SNX24: variants seen among roughly 807,000 people sequenced by gnomAD.
SNX24 encodes the protein sorting nexin 24.
In SNX24, 22 loss-of-function variants were observed where a neutral mutation model predicts 28.7. The ratio of observed to expected loss-of-function variants is 0.77; its 90% CI spans 0.55 to 1.10. The LOEUF (loss-of-function observed/expected upper bound fraction) is 1.10. SNX24 is among the 50% of genes least tolerant of loss of function. SNX24 has a pLI of 0.00. For missense variants in SNX24, 221 were observed against 201.1 expected (o/e 1.10, Z -0.60); for synonymous variants, 69 against 71.5 (o/e 0.96, Z 0.18).
At chr5:122,925,019 C>T (rs1758620275) in intron 1 of SNX24, among the ~76,000 whole-genome samples, 1 of 148,544 alleles carries the variant, frequency 6.7e-6, no homozygotes, top group African/African-American at 2.5e-5. Flanking sequence ...TTCCCCTCCC[C>T]TTCTCCTTCT....
chr5:123,007,729 C>A lies in SNX24; in HGVS notation c.490C>A (p.Pro164Thr), dbSNP rs757422248. Residue 164 changes from proline to threonine, a missense_variant, in exon 7 of 7, where the codon CCT becomes ACT. Pro to Thr is a conservative substitution (Grantham distance 38). Transcript: ENST00000261369. ...AGGAGTCCTCCATGGGATATTTTAC[C>A]CTCATCTACAGCCCAGGTAGAAATC... is the stretch of plus-strand genomic sequence containing the variant. ...IEGVLHGIFY[P>T]HLQPR The A allele has an allele frequency of 1.3e-6, 2 of 1,599,684 alleles. No individual in the cohort carries two copies. Among genetic ancestry groups the A allele is most frequent in the South Asian group, 1.2e-5 (1 of 86,550 alleles).
chr5:122,863,963 C>A (rs145955619), intron 1 of SNX24, among the ~76,000 whole-genome samples: 49 of 152,158 alleles, frequency 3.2e-4, no homozygotes, highest in Non-Finnish European at 5.9e-4. Context: ...GGCAGAGGAG[C>A]GACATGATTC....
chr5:122,934,622 T>C (rs1245155514), intron 1 of SNX24, among the ~76,000 whole-genome samples: 1 of 152,178 alleles, frequency 6.6e-6, no homozygotes, highest in African/African-American at 2.4e-5. Context: ...CCTCGCAAAG[T>C]GCTGGGATTA....
intron 3 of SNX24, among the ~76,000 whole-genome samples, chr5:122,956,624 G>A (rs1458449036): frequency 6.6e-6 from 1 of 152,122 alleles, no homozygotes; most frequent in Non-Finnish European, 1.5e-5. Context: ...GTTATCTACA[G>A]TGGCTGTACC....
intron 1 of SNX24, among the ~76,000 whole-genome samples, chr5:122,853,280 C>T (rs575179886): frequency 4.8e-4 from 73 of 152,062 alleles, no homozygotes; most frequent in African/African-American, 1.7e-3. Context: ...GCACCCGCCA[C>T]CAAGGCCTGC....
chr5:122,872,516 C>T lies in SNX24; in HGVS notation c.60+26823C>T, dbSNP rs1453988880. Among the ~76,000 whole-genome samples, 5 of 152,144 alleles carry T rather than the reference C, an allele frequency of 3.3e-5. 1 individual carries two copies. Among genetic ancestry groups the T allele is most frequent in the Middle Eastern group, 6.8e-3 (2 of 294 alleles). The stretch of plus-strand genomic sequence containing the variant: ...GTGGGGGATTGGTTCCAGGACTCCA[C>T]GATGATATGAAAATCTGTGAATGCT... On this transcript the variant is annotated intron_variant, in intron 1 of 6. Coordinates refer to ENST00000261369, the MANE Select transcript of SNX24 (RefSeq NM_014035.4).
chr5:122,938,359 C>A lies in SNX24; in HGVS notation c.144+1542C>A, dbSNP rs183902094. ...GGATTCTCTCTTCTCTCAGTTTCTG[C>A]AGCTCTATTAATAATTTTACCTATT... On this transcript the variant is annotated intron_variant, in intron 2 of 6. Coordinates refer to ENST00000261369, the MANE Select transcript of SNX24 (RefSeq NM_014035.4). 1.3e-3 allele frequency among the ~76,000 whole-genome samples: 199 copies of A among 152,324 alleles called. 1 individual carries two copies. Among genetic ancestry groups the A allele is most frequent in the African/African-American group, 3.5e-3 (147 of 41,586 alleles).
rs146325441 is a variant in SNX24 at position 122,986,374 on chromosome 5, G to T, written c.250-13538G>T. On this transcript the variant is annotated intron_variant, in intron 3 of 6. Transcript: ENST00000261369. ...TGGCAGTTAGTGGACTTAGGGAGAG[G>T]ATGCTGGCTAAGCCTTGAAAAGTCC... Among the ~76,000 whole-genome samples, 62 of 152,280 alleles carry T rather than the reference G, an allele frequency of 4.1e-4. No individual in the cohort carries two copies. The East Asian group carries it at 7.9e-3, about 19-fold the overall frequency.
intron 3 of SNX24, among the ~76,000 whole-genome samples, chr5:122,981,183 T>A (rs961170534): frequency 6.6e-6 from 1 of 152,222 alleles, no homozygotes; most frequent in African/African-American, 2.4e-5. Context: ...TAAGTAGTAT[T>A]TCTACCCTGA....
At chr5:123,023,318 G>C (rs1319928240) in intron 5 of SNX24, 1 of 152,196 alleles carries the variant, frequency 6.6e-6, no homozygotes, top group Non-Finnish European at 1.5e-5. Context: ...GTTAATGCTA[G>C]AGTGTGTGTA....
At chr5:122,963,285 C>T (rs542237081) in intron 3 of SNX24, among the ~76,000 whole-genome samples, 30 of 152,202 alleles carry the variant, frequency 2.0e-4, no homozygotes, top group Middle Eastern at 3.4e-3. Flanking sequence ...TGCTGTTTGG[C>T]GGCTCACAGC....
chr5:122,864,098 T>C (rs1463975439), intron 1 of SNX24, among the ~76,000 whole-genome samples: 1 of 152,226 alleles, frequency 6.6e-6, no homozygotes, highest in East Asian at 1.9e-4. Flanking sequence ...GAGTCATGTC[T>C]TAAAAGAATT....
intron 1 of SNX24, among the ~76,000 whole-genome samples, chr5:122,872,959 GGTTA>G (rs1171611351): frequency 6.6e-6 from 1 of 151,988 alleles, no homozygotes; most frequent in East Asian, 1.9e-4. Context: ...TTAACCCAGA[GGTTA>G]GTTTTTTGGT....
intron 3 of SNX24, among the ~76,000 whole-genome samples, chr5:122,990,322 G>T (rs1043239930): frequency 4.6e-5 from 7 of 152,056 alleles, no homozygotes; most frequent in Non-Finnish European, 7.4e-5. Flanking sequence ...TGTTATAACC[G>T]AACAAATATA....
chr5:122,863,181 A>C lies in SNX24; in HGVS notation c.60+17488A>C, dbSNP rs1364641586. On this transcript the variant is annotated intron_variant, in intron 1 of 6. Coordinates refer to ENST00000261369, the MANE Select transcript of SNX24 (RefSeq NM_014035.4). ...GCACTATGGAGAAAAAGAAAGGAAG[A>C]GAGGTAAAGAGTGCTGGGGGATCAT... 2.0e-5 allele frequency among the ~76,000 whole-genome samples: 3 copies of C among 152,306 alleles called. No homozygotes were observed. The East Asian group carries it at 5.8e-4, about 29-fold the overall frequency.
intron 1 of SNX24, among the ~76,000 whole-genome samples, chr5:122,853,168 C>T (rs2150032935): frequency 7.3e-6 from 1 of 136,842 alleles, no homozygotes; most frequent in South Asian, 2.4e-4. Flanking sequence ...GCTCTGTTGC[C>T]CAGGCTGGAA....
intron 5 of SNX24, among the ~76,000 whole-genome samples, chr5:123,014,746 G>T (rs1298066599): frequency 6.6e-6 from 1 of 152,066 alleles, no homozygotes; most frequent in African/African-American, 2.4e-5. Context: ...TTCCCACTAA[G>T]AAAAACATTT....
At chr5:123,016,426 T>C (rs1314914905) in intron 5 of SNX24, among the ~76,000 whole-genome samples, 2 of 152,272 alleles carry the variant, frequency 1.3e-5, no homozygotes, top group African/African-American at 4.8e-5. Flanking sequence ...GGAAAGCCAG[T>C]GAGCCTGGAG....
chr5:122,927,383 G>GT (rs1227368891), intron 1 of SNX24, among the ~76,000 whole-genome samples: 1 of 88,742 alleles, frequency 1.1e-5, no homozygotes, highest in Admixed American at 1.2e-4. Flanking sequence ...GACTAAATAG[G>GT]TTTTTTGTAG....
Sources: gnomAD v4.1 joint callset for allele counts (sites outside exome capture counted in the v4.1 genomes callset) on GRCh38, gnomAD v4.1.1 for gene constraint, MANE v1.5 for transcripts, NCBI Gene and HGNC (gene_info 2026-07-23, HGNC 2026-07-21) for gene names.